The following ARB2A variants were observed in gnomAD, a reference collection of about 807,000 sequenced individuals.
ARB2A encodes ARB2 cotranscriptional regulator A.
At chr5:93,720,710 G>A in the ARB2A span, among the ~76,000 whole-genome samples, 3 of 152,176 alleles carry the variant, frequency 2.0e-5, no homozygotes, top group East Asian at 1.9e-4. Flanking sequence ...AGACAAGCTC[G>A]AATGCTAATA....
the ARB2A span, among the ~76,000 whole-genome samples, chr5:93,998,652 T>C: frequency 6.6e-6 from 1 of 151,982 alleles, no homozygotes; most frequent in Non-Finnish European, 1.5e-5. Flanking sequence ...AATTCATAAT[T>C]CATCTAATCT....
the ARB2A span, among the ~76,000 whole-genome samples, chr5:93,877,525 T>A: frequency 5.3e-5 from 8 of 152,114 alleles, no homozygotes; most frequent in African/African-American, 1.7e-4. Context: ...TATCTGCTTT[T>A]AAGGATTGAC....
the ARB2A span, among the ~76,000 whole-genome samples, chr5:93,918,674 G>GA: frequency 6.6e-6 from 1 of 151,942 alleles, no homozygotes; most frequent in Non-Finnish European, 1.5e-5. Context: ...TGCCCGTCTC[G>GA]GCCTCCCAAA....
chr5:93,804,692 A>C, the ARB2A span: 1 of 187,826 alleles, frequency 5.3e-6, no homozygotes, highest in Non-Finnish European at 9.9e-6. Context: ...GCAGGGATTG[A>C]GGAAGAGTAA....
chr5:93,788,923 G>T, the ARB2A span, among the ~76,000 whole-genome samples: 214 of 152,266 alleles, frequency 1.4e-3, 7 homozygotes, highest in East Asian at 0.039. Flanking sequence ...TAACCTAAAA[G>T]AAGCTGATGC....
At chr5:94,092,714 A>G in the ARB2A span, among the ~76,000 whole-genome samples, 1 of 152,168 alleles carries the variant, frequency 6.6e-6, no homozygotes, top group Non-Finnish European at 1.5e-5. Context: ...TGTCTACCAA[A>G]ATGCTTTCAC....
chr5:94,018,780 T>C, the ARB2A span, among the ~76,000 whole-genome samples: 4 of 151,746 alleles, frequency 2.6e-5, no homozygotes, highest in South Asian at 2.1e-4. Flanking sequence ...CTGTGATGAA[T>C]TGACATTCAT....
At chr5:94,098,771 C>T in the ARB2A span, among the ~76,000 whole-genome samples, 89 of 152,162 alleles carry the variant, frequency 5.8e-4, no homozygotes, top group African/African-American at 2.0e-3. Flanking sequence ...TCCAAATAAA[C>T]ACAATTAGCA....
At chr5:94,038,820 AAAAC>A in the ARB2A span, among the ~76,000 whole-genome samples, 1 of 151,986 alleles carries the variant, frequency 6.6e-6, no homozygotes, top group African/African-American at 2.4e-5. Flanking sequence ...AAAAAAAAAA[AAAAC>A]AGAAGGGGTT....
At chr5:93,758,007 T>C in the ARB2A span, among the ~76,000 whole-genome samples, 1 of 152,066 alleles carries the variant, frequency 6.6e-6, no homozygotes, top group Non-Finnish European at 1.5e-5. Flanking sequence ...GAGACCCACC[T>C]AACACATAAG....
At chr5:93,741,033 CAT>C in the ARB2A span, 1 of 1,613,898 alleles carries the variant, frequency 6.2e-7, no homozygotes, top group Non-Finnish European at 8.5e-7. Context: ...GCAGCTTCCA[CAT>C]GTTGGCGACG....
At chr5:93,986,647 A>G in the ARB2A span, among the ~76,000 whole-genome samples, 2 of 152,206 alleles carry the variant, frequency 1.3e-5, no homozygotes, top group South Asian at 4.1e-4. Flanking sequence ...TAGACATAGG[A>G]GACTCCATTT....
chr5:93,673,352 G>A, the ARB2A span, among the ~76,000 whole-genome samples: 4 of 151,906 alleles, frequency 2.6e-5, no homozygotes, highest in African/African-American at 7.2e-5. Flanking sequence ...GGGAGTTCAC[G>A]ACAGATGTGT....
chr5:93,972,968 T>C, the ARB2A span, among the ~76,000 whole-genome samples: 1 of 151,958 alleles, frequency 6.6e-6, no homozygotes, highest in Non-Finnish European at 1.5e-5. Flanking sequence ...TTTTCCTTTT[T>C]GAGACAGTCT....
the ARB2A span, among the ~76,000 whole-genome samples, chr5:93,808,595 T>G: frequency 6.6e-6 from 1 of 151,982 alleles, no homozygotes; most frequent in African/African-American, 2.4e-5. Context: ...AAAGTTAATG[T>G]TTGTATCTCC....
the ARB2A span, among the ~76,000 whole-genome samples, chr5:93,968,611 CAAG>C: frequency 6.6e-6 from 1 of 151,780 alleles, no homozygotes; most frequent in African/African-American, 2.4e-5. Flanking sequence ...AATGAGAATA[CAAG>C]GAGGAGAAGA....
chr5:93,685,300 C>T, the ARB2A span, among the ~76,000 whole-genome samples: 1 of 152,022 alleles, frequency 6.6e-6, no homozygotes, highest in African/African-American at 2.4e-5. Flanking sequence ...TAAACTTTAG[C>T]AGCAAAGAAT....
At chr5:94,072,998 C>G in the ARB2A span, among the ~76,000 whole-genome samples, 1 of 152,052 alleles carries the variant, frequency 6.6e-6, no homozygotes, top group South Asian at 2.1e-4. Context: ...GATTTTTCTA[C>G]CATCTATGCC....
chr5:93,971,458 T>C, the ARB2A span, among the ~76,000 whole-genome samples: 117 of 151,820 alleles, frequency 7.7e-4, 3 homozygotes, highest in East Asian at 0.018. Context: ...TCCCAGCTAC[T>C]TGGGAGGCTG....
Sources: gnomAD v4.1 joint callset for allele counts (sites outside exome capture counted in the v4.1 genomes callset) on GRCh38, gnomAD v4.1.1 for gene constraint, MANE v1.5 for transcripts, NCBI Gene and HGNC (gene_info 2026-07-23, HGNC 2026-07-21) for gene names.